The following C1orf94 variants were observed in gnomAD, a reference collection of about 807,000 sequenced individuals.
The protein encoded by C1orf94 is chromosome 1 open reading frame 94, also known as uncharacterized protein C1orf94.
In C1orf94, 45 loss-of-function variants were observed where a neutral mutation model predicts 53.6. The observed-to-expected ratio is 0.84, with a 90% CI of 0.66 to 1.08. C1orf94 has a LOEUF of 1.08. Among genes scored for constraint, C1orf94 ranks in the 50% least tolerant of loss-of-function variants. The pLI is 0.00. For synonymous variants in C1orf94, 304 were observed against 296.1 expected, an observed-to-expected ratio of 1.03 and a Z score of -0.27; for missense variants, 762 against 738.9, an observed-to-expected ratio of 1.03 and a Z score of -0.36.
At chr1:34,171,234 T>A (rs1642141288) in intron 1 of C1orf94, among the ~76,000 whole-genome samples, 1 of 152,170 alleles carries the variant, frequency 6.6e-6, no homozygotes, top group South Asian at 2.1e-4. Flanking sequence ...CTTGCACTCT[T>A]GCAATGAGCC....
chr1:34,174,667 G>C (rs572141716), upstream of C1orf94, among the ~76,000 whole-genome samples: 9 of 152,200 alleles, frequency 5.9e-5, no homozygotes, highest in Non-Finnish European at 1.5e-5. Flanking sequence ...CAGCGAGAGA[G>C]ACTTCAGAGT....
At chr1:34,201,082 C>A in intron 3 of C1orf94, 50 bp downstream of exon 3, 2 of 1,544,210 alleles carry the variant, frequency 1.3e-6, no homozygotes, top group Non-Finnish European at 1.8e-6. Context: ...GTTGCAGTGA[C>A]CCTCACAGGC....
chr1:34,217,061 CAG>C (rs1361815888), intron 6 of C1orf94, among the ~76,000 whole-genome samples: 2 of 152,194 alleles, frequency 1.3e-5, no homozygotes, highest in Non-Finnish European at 2.9e-5. Context: ...GCCTGGGTGA[CAG>C]AGTAAGACTC....
At chr1:34,183,785 G>A (rs984819270) in intron 1 of C1orf94, among the ~76,000 whole-genome samples, 1 of 151,936 alleles carries the variant, frequency 6.6e-6, no homozygotes, top group Non-Finnish European at 1.5e-5. Flanking sequence ...GAACCCAGGA[G>A]GCAGAGGTTG....
At chr1:34,184,181 G>T (rs1642351828) in intron 1 of C1orf94, among the ~76,000 whole-genome samples, 1 of 152,174 alleles carries the variant, frequency 6.6e-6, no homozygotes, top group Admixed American at 6.5e-5. Flanking sequence ...GTAGTCCGCA[G>T]GTAGCAGGGA....
intron 4 of C1orf94, among the ~76,000 whole-genome samples, chr1:34,207,129 T>A (rs565680576): frequency 1.3e-5 from 2 of 152,232 alleles, no homozygotes; most frequent in East Asian, 3.9e-4. Context: ...GGGCAGCAGA[T>A]CTTCTGAGAA....
rs765937743 is a variant in C1orf94, at chr1:34,212,377, AC to A, written c.1694del (p.Pro565ArgfsTer19). ...RDPPLMAGDG[P>X]QYLFPQGYGF... ...ACCCTCCCCTAATGGCAGGAGATGG[AC>A]CGCAGTACCTCTTTCCCCAAGGATA... On this transcript the variant is annotated frameshift_variant, in exon 6 of 7. Transcript: ENST00000488417. LOFTEE classifies it high-confidence loss of function. 343 of 1,610,774 alleles carry A rather than the reference AC, an allele frequency of 2.1e-4. 1 individual carries two copies. The highest frequency in any genetic ancestry group is 6.4e-5 in the Non-Finnish European group (75 of 1,178,958).
chr1:34,178,719 G>A (rs917460719), intron 1 of C1orf94, among the ~76,000 whole-genome samples: 1 of 152,232 alleles, frequency 6.6e-6, no homozygotes, highest in African/African-American at 2.4e-5. Flanking sequence ...ACAGAGCTAA[G>A]TGTTTCTCCA....
chr1:34,211,600 A>C (rs1252883542), intron 5 of C1orf94, among the ~76,000 whole-genome samples: 1 of 152,206 alleles, frequency 6.6e-6, no homozygotes, highest in Non-Finnish European at 1.5e-5. Context: ...ATTAAGTATA[A>C]TTCAAAACTC....
Position 34,200,801 on chromosome 1 carries a change from AAG to A in C1orf94, c.1040_1041del (p.Lys347ArgfsTer20). ...GAGCCCTGGCACCAAGGAGCCAAAA[AAG>A]GGTCAAGGGAGCCTCTTTCTCAGCC... is the stretch of plus-strand genomic sequence containing the variant. ...EWSPGTKEPK[K>X]GQGSLFLSQW... On this transcript the variant is annotated frameshift_variant, in exon 3 of 7. Coordinates refer to ENST00000488417, the MANE Select transcript of C1orf94 (RefSeq NM_001134734.2). LOFTEE classifies it high-confidence loss of function. 1 of 1,614,142 alleles carries A rather than the reference AAG, an allele frequency of 6.2e-7. No individual in the cohort carries two copies. Among genetic ancestry groups the A allele is most frequent in the Non-Finnish European group, 8.5e-7 (1 of 1,180,004 alleles).
chr1:34,176,311 G>A (rs1316966095), upstream of C1orf94, among the ~76,000 whole-genome samples: 2 of 152,054 alleles, frequency 1.3e-5, no homozygotes, highest in East Asian at 1.9e-4. Context: ...CTTTTCAGGG[G>A]AATTGCTAGA....
At chr1:34,188,413 A>G (rs1217039640) in intron 1 of C1orf94, among the ~76,000 whole-genome samples, 3 of 152,358 alleles carry the variant, frequency 2.0e-5, no homozygotes, top group East Asian at 3.9e-4. Context: ...AGATGAACAT[A>G]AAGTCCAGGC....
rs906971239 is a variant in C1orf94, at chr1:34,216,448, A to G, written c.1722-2238A>G. ...GTGGAGTGCAGGAAGCCAAGTGAAG[A>G]AAGTGTTTCCTGAACAAAGTGCTGG... On this transcript the variant is annotated intron_variant, in intron 6 of 6. Transcript: ENST00000488417. Among the ~76,000 whole-genome samples, 5 of 152,186 alleles carry G rather than the reference A, an allele frequency of 3.3e-5. No homozygotes were observed. In the South Asian group the frequency reaches 1.0e-3, roughly 32 times the overall value.
intron 1 of C1orf94, among the ~76,000 whole-genome samples, chr1:34,192,299 G>A (rs1347770446): frequency 6.6e-6 from 1 of 152,194 alleles, no homozygotes; most frequent in Non-Finnish European, 1.5e-5. Context: ...GTTCTGTGTG[G>A]GGTCTGCCAT....
At chr1:34,179,865 C>T (rs1340136928) in intron 1 of C1orf94, among the ~76,000 whole-genome samples, 1 of 152,166 alleles carries the variant, frequency 6.6e-6, no homozygotes, top group Non-Finnish European at 1.5e-5. Context: ...AAATCCATTT[C>T]AGCCAGAGCT....
chr1:34,186,838 G>T (rs529478668), intron 1 of C1orf94, among the ~76,000 whole-genome samples: 3 of 152,174 alleles, frequency 2.0e-5, no homozygotes, highest in Non-Finnish European at 1.5e-5. Context: ...TTCCTCTTCC[G>T]CTACTGCACT....
intron 6 of C1orf94, among the ~76,000 whole-genome samples, chr1:34,218,046 T>A (rs541643693): frequency 2.0e-5 from 3 of 151,966 alleles, no homozygotes; most frequent in South Asian, 4.2e-4. Flanking sequence ...TGGATAGGAG[T>A]GTGCCAGGGA....
chr1:34,175,286 T>C (rs1642209177), upstream of C1orf94, among the ~76,000 whole-genome samples: 1 of 151,766 alleles, frequency 6.6e-6, no homozygotes, highest in Non-Finnish European at 1.5e-5. Context: ...GTGAGTGAGC[T>C]GGCTAACTTC....
At position 34,198,063 on chromosome 1, in the gene C1orf94, C is replaced by A; in HGVS notation, c.1009+150C>A. 6 of 892,798 alleles carry A rather than the reference C, an allele frequency of 6.7e-6. No homozygotes were observed. The South Asian group carries it at 9.1e-5, about 14-fold the overall frequency. The allele number at this position is 892,798 out of a possible 1,614,324, so 55.3% of individuals were successfully genotyped here. On this transcript the variant is annotated intron_variant, in intron 2 of 6. Coordinates refer to ENST00000488417, the MANE Select transcript of C1orf94 (RefSeq NM_001134734.2). ...GGTGGGCACAGCCCCGAGGGACGGG[C>A]TGTTTCCAGCCCCCACAGGCTTATT...
Sources: gnomAD v4.1 joint callset for allele counts (sites outside exome capture counted in the v4.1 genomes callset) on GRCh38, gnomAD v4.1.1 for gene constraint, MANE v1.5 for transcripts, NCBI Gene and HGNC (gene_info 2026-07-23, HGNC 2026-07-21) for gene names.